Variants in GLYATL2 observed in about 807,000 individuals in gnomAD.
GLYATL2 encodes the protein glycine N-acyltransferase-like protein 2.
GLYATL2 carries 25 observed loss-of-function variants against 21.4 expected under a neutral mutation model. The ratio of observed to expected loss-of-function variants is 1.17; its 90% CI spans 0.85 to 1.63. The LOEUF (loss-of-function observed/expected upper bound fraction) is 1.63. Ranked by LOEUF, GLYATL2 falls within the 40% of genes most tolerant of loss-of-function variation. The pLI is 0.00. For missense variants in GLYATL2, 361 were observed against 343.3 expected, an observed-to-expected ratio of 1.05 and a Z score of -0.41; for synonymous variants, 114 against 118.2, an observed-to-expected ratio of 0.96 and a Z score of 0.23.
At chr11:58,875,673 G>T (rs1440035469) in intron 1 of GLYATL2, among the ~76,000 whole-genome samples, 1 of 152,154 alleles carries the variant, frequency 6.6e-6, no homozygotes, top group African/African-American at 2.4e-5. Flanking sequence ...TTAGTCTGTT[G>T]GGCTTCCCTT....
chr11:58,874,212 C>A (rs905584194), intron 1 of GLYATL2, among the ~76,000 whole-genome samples: 3 of 152,024 alleles, frequency 2.0e-5, no homozygotes, highest in Non-Finnish European at 2.9e-5. Flanking sequence ...AGTGGTCTAT[C>A]AATTTTGTTG....
intron 1 of GLYATL2, among the ~76,000 whole-genome samples, chr11:58,863,947 G>T (rs141673318): frequency 7.2e-5 from 11 of 152,330 alleles, no homozygotes; most frequent in African/African-American, 2.6e-4. Context: ...AACTGGCCTA[G>T]CCCTAGGCAG....
At chr11:58,853,473 G>C (rs564586546) in intron 1 of GLYATL2, among the ~76,000 whole-genome samples, 1 of 152,280 alleles carries the variant, frequency 6.6e-6, no homozygotes, top group African/African-American at 2.4e-5. Flanking sequence ...GTATCACTGG[G>C]GGTCCTGGAA....
chr11:58,907,171 A>C (rs950681826), upstream of GLYATL2: 1 of 447,462 alleles, frequency 2.2e-6, no homozygotes, highest in African/African-American at 2.0e-5. Flanking sequence ...ATCAGTACAC[A>C]GTTGAATACT....
At chr11:58,905,458 G>A (rs1380913190), upstream of GLYATL2, 11 of 456,082 alleles carry the variant, frequency 2.4e-5, no homozygotes, top group Non-Finnish European at 4.4e-5. Flanking sequence ...GCCACACACC[G>A]AAGCACCTTG....
chr11:58,889,722 A>G (rs774261701), intron 1 of GLYATL2, among the ~76,000 whole-genome samples: 1 of 152,096 alleles, frequency 6.6e-6, no homozygotes, highest in African/African-American at 2.4e-5. Context: ...CAAACTGTTC[A>G]TGTTCACATC....
intron 1 of GLYATL2, among the ~76,000 whole-genome samples, chr11:58,873,992 ACTT>A (rs1479396177): frequency 6.6e-6 from 1 of 152,150 alleles, no homozygotes; most frequent in Non-Finnish European, 1.5e-5. Context: ...GAGAGATTCA[ACTT>A]CTTCCCGGTT....
intron 1 of GLYATL2, among the ~76,000 whole-genome samples, chr11:58,896,144 C>T (rs1392951390): frequency 6.6e-6 from 1 of 152,094 alleles, no homozygotes; most frequent in Non-Finnish European, 1.5e-5. Flanking sequence ...CATGAGCTAC[C>T]GCACCTGGCC....
intron 3 of GLYATL2, 22 bp downstream of exon 3, chr11:58,838,239 A>T (rs755829258): frequency 1.3e-6 from 2 of 1,488,762 alleles, no homozygotes; most frequent in Admixed American, 3.4e-5. Context: ...CTACCCTCAT[A>T]TTCAGTAACT....
intron 1 of GLYATL2, among the ~76,000 whole-genome samples, chr11:58,850,537 AGAGATAG>A (rs949710741): frequency 6.6e-6 from 1 of 152,120 alleles, no homozygotes; most frequent in Admixed American, 6.5e-5. Context: ...CAGGCCATAC[AGAGATAG>A]GAGCTGAAGG....
At chr11:58,864,805 C>A (rs865784682) in intron 1 of GLYATL2, among the ~76,000 whole-genome samples, 1 of 149,092 alleles carries the variant, frequency 6.7e-6, no homozygotes, top group Non-Finnish European at 1.5e-5. Context: ...GTTAGAAAGT[C>A]CCATTCTGAC....
At chr11:58,898,837 AAAAT>A (rs1187407970) in intron 1 of GLYATL2, among the ~76,000 whole-genome samples, 2 of 152,156 alleles carry the variant, frequency 1.3e-5, no homozygotes, top group East Asian at 3.8e-4. Context: ...CATCTTAAAA[AAAAT>A]AAAATAAAAT....
chr11:58,881,630 C>A (rs1341992897), intron 1 of GLYATL2, among the ~76,000 whole-genome samples: 1 of 151,992 alleles, frequency 6.6e-6, no homozygotes, highest in African/African-American at 2.4e-5. Flanking sequence ...GGAACATGTG[C>A]ACAATGTGCA....
intron 1 of GLYATL2, among the ~76,000 whole-genome samples, chr11:58,877,313 T>C (rs943947353): frequency 6.6e-6 from 1 of 152,316 alleles, no homozygotes; most frequent in Middle Eastern, 3.4e-3. Flanking sequence ...CCCAGTGAGA[T>C]GAACCCAGTA....
intron 1 of GLYATL2, among the ~76,000 whole-genome samples, chr11:58,901,397 A>T (rs1477209010): frequency 6.6e-6 from 1 of 152,208 alleles, no homozygotes; most frequent in South Asian, 2.1e-4. Flanking sequence ...TAAAAGCTGC[A>T]GATTACTGGG....
At chr11:58,896,543 C>T (rs942559260) in intron 1 of GLYATL2, among the ~76,000 whole-genome samples, 1 of 152,218 alleles carries the variant, frequency 6.6e-6, no homozygotes, top group Non-Finnish European at 1.5e-5. Flanking sequence ...CCTGCCATCT[C>T]TAGCCCAAGT....
intron 1 of GLYATL2, among the ~76,000 whole-genome samples, chr11:58,888,509 T>C (rs1318462374): frequency 1.3e-4 from 20 of 152,034 alleles, no homozygotes; most frequent in Admixed American, 1.3e-3. Flanking sequence ...ATTAACATTC[T>C]TTTATACTTT....
upstream of GLYATL2, among the ~76,000 whole-genome samples, chr11:58,847,900 C>A (rs1472405146): frequency 1.3e-5 from 2 of 151,996 alleles, no homozygotes; most frequent in Non-Finnish European, 2.9e-5. Flanking sequence ...CTGTGCGGAC[C>A]TCAGGCCTGA....
At chr11:58,875,177 G>T (rs1190638440) in intron 1 of GLYATL2, among the ~76,000 whole-genome samples, 1 of 152,116 alleles carries the variant, frequency 6.6e-6, no homozygotes, top group African/African-American at 2.4e-5. Context: ...TTGGGCCTAT[G>T]TGTGTCTCTG....
Sources: gnomAD v4.1 joint callset for allele counts (sites outside exome capture counted in the v4.1 genomes callset) on GRCh38, gnomAD v4.1.1 for gene constraint, MANE v1.5 for transcripts, NCBI Gene and HGNC (gene_info 2026-07-23, HGNC 2026-07-21) for gene names.